Variants in ADAM22 observed in about 807,000 individuals in gnomAD.
The protein encoded by ADAM22 is ADAM metallopeptidase domain 22.
A neutral mutation model predicts 144.6 loss-of-function variants in ADAM22; 65 were observed. The observed-to-expected ratio is 0.45, with a 90% CI of 0.37 to 0.55. The LOEUF is 0.55. Among genes scored for constraint, ADAM22 ranks in the 20% least tolerant of loss-of-function variants. ADAM22 has a pLI of 0.00. For missense variants in ADAM22, 974 were observed against 1,184.9 expected (o/e 0.82, Z 2.61); for synonymous variants, 391 against 412.6 (o/e 0.95, Z 0.63).
intron 3 of ADAM22, among the ~76,000 whole-genome samples, chr7:88,013,696 G>T (rs959114621): frequency 1.3e-5 from 2 of 152,178 alleles, no homozygotes; most frequent in Non-Finnish European, 2.9e-5. Flanking sequence ...AAAGTGTTGG[G>T]ATTACAGGCG....
chr7:88,081,693 A>C (rs1305277636), intron 4 of ADAM22, among the ~76,000 whole-genome samples: 1 of 100,984 alleles, frequency 9.9e-6, no homozygotes, highest in Non-Finnish European at 1.9e-5. Flanking sequence ...CTTATACACC[A>C]ATAACAGACA....
intron 3 of ADAM22, among the ~76,000 whole-genome samples, chr7:88,054,704 G>A (rs147896598): frequency 3.3e-5 from 5 of 151,500 alleles, no homozygotes; most frequent in East Asian, 3.9e-4. Flanking sequence ...AATTGTGTTC[G>A]TGGGTTCTTT....
At chr7:88,162,437 A>G (rs1841962229) in intron 22 of ADAM22, among the ~76,000 whole-genome samples, 1 of 152,052 alleles carries the variant, frequency 6.6e-6, no homozygotes, top group Non-Finnish European at 1.5e-5. Context: ...CCCTCATGAC[A>G]TGAGTTTACC....
chr7:87,954,175 T>A (rs1487692989), intron 2 of ADAM22, among the ~76,000 whole-genome samples: 1 of 152,170 alleles, frequency 6.6e-6, no homozygotes, highest in Non-Finnish European at 1.5e-5. Context: ...GTGAATTTGA[T>A]CCTTTTATTA....
intron 3 of ADAM22, among the ~76,000 whole-genome samples, chr7:88,010,959 T>G (rs1795211910): frequency 6.6e-6 from 1 of 152,168 alleles, no homozygotes; most frequent in African/African-American, 2.4e-5. Context: ...AAGTGTAATT[T>G]TTTGTGATTA....
Position 88,202,859 on chromosome 7 carries a change from G to A in ADAM22, c.*6368G>A, listed in dbSNP as rs1339790374. 6.6e-6 allele frequency: 1 copy of A among 152,156 alleles called. No homozygotes were observed. The highest frequency in any genetic ancestry group is 3.2e-3 in the Middle Eastern group (1 of 316). 9.4% of individuals were successfully genotyped at this position (152,156 alleles called of 1,614,324 possible). ...ACTCCCATTGTAACATTAGTAAAGT[G>A]ACTTTCAATAAAAGATTTATGTTAT... On this transcript the variant is annotated 3_prime_UTR_variant, in exon 32 of 32. Coordinates refer to ENST00000413139, the MANE Select transcript of ADAM22 (RefSeq NM_001324418.2).
chr7:88,008,544 T>G (rs964806168), intron 3 of ADAM22, among the ~76,000 whole-genome samples: 1 of 152,100 alleles, frequency 6.6e-6, no homozygotes, highest in Admixed American at 6.5e-5. Flanking sequence ...ATGTGGCACA[T>G]ATACATCATG....
chr7:87,935,816 T>A (rs1442472671), intron 2 of ADAM22, among the ~76,000 whole-genome samples: 1 of 152,204 alleles, frequency 6.6e-6, no homozygotes, highest in Non-Finnish European at 1.5e-5. Context: ...ATTTATAAAT[T>A]ATGTTTTTAA....
intron 3 of ADAM22, among the ~76,000 whole-genome samples, chr7:88,049,818 C>A (rs1045743671): frequency 1.3e-5 from 2 of 151,752 alleles, no homozygotes; most frequent in Non-Finnish European, 1.5e-5. Flanking sequence ...TATATAGATT[C>A]TTTTTTATTT....
intron 3 of ADAM22, among the ~76,000 whole-genome samples, chr7:88,044,169 A>G (rs1803899906): frequency 6.6e-6 from 1 of 152,232 alleles, no homozygotes; most frequent in Admixed American, 6.5e-5. Context: ...CTCAAATATT[A>G]CATTGCAGTT....
At chr7:87,952,904 T>G (rs1029700097) in intron 2 of ADAM22, among the ~76,000 whole-genome samples, 16 of 152,244 alleles carry the variant, frequency 1.1e-4, no homozygotes, top group African/African-American at 2.9e-4. Flanking sequence ...TATCCATTTC[T>G]TCTAGATTTT....
chr7:87,944,960 T>C (rs1442219737), intron 2 of ADAM22, among the ~76,000 whole-genome samples: 1 of 148,202 alleles, frequency 6.7e-6, no homozygotes, highest in Non-Finnish European at 1.5e-5. Context: ...TTTTTATTAT[T>C]TCTTCCTCCT....
intron 23 of ADAM22, 88 bp downstream of exon 23, chr7:88,163,268 G>GA (rs966977616): frequency 4.1e-5 from 46 of 1,111,770 alleles, no homozygotes; most frequent in African/African-American, 5.0e-5. Flanking sequence ...CTTAATTATG[G>GA]AAAAAAATGA....
At chr7:88,051,093 C>T (rs1168031556) in intron 3 of ADAM22, among the ~76,000 whole-genome samples, 14 of 152,262 alleles carry the variant, frequency 9.2e-5, no homozygotes, top group South Asian at 2.1e-4. Context: ...AACACTTTTA[C>T]ACGTTGGTGG....
rs938860063 is a variant in ADAM22, at chr7:88,153,297, C to T, written c.1758C>T (p.Asp586=). 1 of 1,613,280 alleles carries T rather than the reference C, an allele frequency of 6.2e-7. No individual in the cohort carries two copies. Among genetic ancestry groups the T allele is most frequent in the Admixed American group, 1.7e-5 (1 of 59,892 alleles). ...EGTEKGNCGK[D]KDTWIQCNKR... is the part of the protein sequence containing the mutation. ...CGGAGAAGGGTAACTGTGGGAAAGA[C>T]AAAGACACATGGATACAGTGCAACA... Residue 586 remains aspartate (D), a synonymous_variant, in exon 21 of 32, where the codon GAC becomes GAT. Transcript: ENST00000413139.
At chr7:88,161,707 A>C (rs1318637926) in intron 22 of ADAM22, among the ~76,000 whole-genome samples, 1 of 152,154 alleles carries the variant, frequency 6.6e-6, no homozygotes, top group Non-Finnish European at 1.5e-5. Flanking sequence ...GCATGTGAAA[A>C]AAGATCGATA....
intron 3 of ADAM22, among the ~76,000 whole-genome samples, chr7:88,023,454 C>G (rs146108468): frequency 1.8e-4 from 28 of 152,264 alleles, no homozygotes; most frequent in African/African-American, 6.3e-4. Context: ...GAGTCTTGCT[C>G]CATTGCCCAG....
chr7:88,176,105 T>G (rs1254019094), intron 26 of ADAM22, among the ~76,000 whole-genome samples: 1 of 152,162 alleles, frequency 6.6e-6, no homozygotes, highest in African/African-American at 2.4e-5. Flanking sequence ...CCTGAGTAGC[T>G]GGCATTACAA....
chr7:87,954,577 T>G (rs1275283433), intron 2 of ADAM22, among the ~76,000 whole-genome samples: 1 of 152,162 alleles, frequency 6.6e-6, no homozygotes, highest in Non-Finnish European at 1.5e-5. Flanking sequence ...CCCTTAACAT[T>G]TTTTCCTTCA....
Sources: gnomAD v4.1 joint callset for allele counts (sites outside exome capture counted in the v4.1 genomes callset) on GRCh38, gnomAD v4.1.1 for gene constraint, MANE v1.5 for transcripts, NCBI Gene and HGNC (gene_info 2026-07-23, HGNC 2026-07-21) for gene names.